The following ZNRF1 variants were observed in gnomAD, a reference collection of about 807,000 sequenced individuals.
ZNRF1 encodes zinc and ring finger 1.
ZNRF1 carries 3 observed loss-of-function variants against 18.4 expected under a neutral mutation model. The observed-to-expected ratio is 0.16, with a 90% CI of 0.07 to 0.42. The LOEUF is 0.42. Ranked by LOEUF, ZNRF1 falls within the 10% of genes least tolerant of loss-of-function variation. ZNRF1 has a pLI of 0.99. For synonymous variants in ZNRF1, 157 were observed against 144.2 expected, an observed-to-expected ratio of 1.09 and a Z score of -0.64; for missense variants, 310 against 329.8, an observed-to-expected ratio of 0.94 and a Z score of 0.47.
chr16:75,096,400 C>T (rs1222284988), intron 2 of ZNRF1, among the ~76,000 whole-genome samples: 1 of 152,096 alleles, frequency 6.6e-6, no homozygotes, highest in Non-Finnish European at 1.5e-5. Flanking sequence ...CCTGCTCCAG[C>T]TCAGAGAGAG....
intron 1 of ZNRF1, among the ~76,000 whole-genome samples, chr16:75,082,021 C>T (rs1384956884): frequency 2.0e-5 from 3 of 152,202 alleles, no homozygotes; most frequent in Admixed American, 6.5e-5. Flanking sequence ...ACACTTCACA[C>T]TCATGCTGAT....
intron 1 of ZNRF1, among the ~76,000 whole-genome samples, chr16:75,022,661 G>A (rs1215764700): frequency 6.6e-6 from 1 of 152,152 alleles, no homozygotes; most frequent in East Asian, 1.9e-4. Context: ...TTCCATTTCT[G>A]AGTTACTCTA....
At chr16:75,047,534 A>G (rs568154842) in intron 1 of ZNRF1, among the ~76,000 whole-genome samples, 66 of 152,370 alleles carry the variant, frequency 4.3e-4, no homozygotes, top group African/African-American at 1.4e-3. Context: ...TAGAGTCACA[A>G]TGAACACTTT....
At chr16:75,091,565 C>T (rs2036140555) in intron 1 of ZNRF1, among the ~76,000 whole-genome samples, 2 of 140,476 alleles carry the variant, frequency 1.4e-5, no homozygotes, top group Admixed American at 7.6e-5. Context: ...CAGGATCTTG[C>T]TCTGTCCCCC....
Position 74,999,535 on chromosome 16 carries a change from C to A in ZNRF1, c.-137C>A, listed in dbSNP as rs1165228222. The A allele has an allele frequency of 1.6e-6, 1 of 637,340 alleles. No homozygotes were observed. Among genetic ancestry groups the A allele is most frequent in the Non-Finnish European group, 2.3e-6 (1 of 440,626 alleles). 39.5% of individuals were successfully genotyped at this position (637,340 alleles called of 1,614,324 possible). On this transcript the variant is annotated 5_prime_UTR_variant, in exon 1 of 5. Transcript: ENST00000335325. ...CGGGTTTTTTCCTTTTTTCCTTTTG[C>A]TTTTTTTCCTTTTCTCCCTCCGGGT... is the stretch of plus-strand genomic sequence containing the variant.
At chr16:75,023,557 A>G (rs1189441576) in intron 1 of ZNRF1, among the ~76,000 whole-genome samples, 1 of 152,042 alleles carries the variant, frequency 6.6e-6, no homozygotes, top group Non-Finnish European at 1.5e-5. Flanking sequence ...GGTGGCAGGC[A>G]CCTGTAATCC....
At chr16:75,020,007 A>G (rs527270088) in intron 1 of ZNRF1, among the ~76,000 whole-genome samples, 1 of 152,248 alleles carries the variant, frequency 6.6e-6, no homozygotes, top group South Asian at 2.1e-4. Flanking sequence ...CACCGCGCCC[A>G]GCCAGGTGTT....
chr16:75,055,493 G>T (rs1366069622), intron 1 of ZNRF1, among the ~76,000 whole-genome samples: 1 of 152,314 alleles, frequency 6.6e-6, no homozygotes, highest in East Asian at 1.9e-4. Context: ...CAGCCCAGGA[G>T]TAGGTCGTGT....
chr16:75,009,650 C>T (rs2034968712), intron 1 of ZNRF1, among the ~76,000 whole-genome samples: 1 of 152,114 alleles, frequency 6.6e-6, no homozygotes. Flanking sequence ...TGAGAATATA[C>T]CCAGAAGTGG....
rs560162362 is a variant in ZNRF1, at chr16:75,063,326, C to T, written c.425-30246C>T. Among the ~76,000 whole-genome samples, 5 of 152,292 alleles carry T rather than the reference C, an allele frequency of 3.3e-5. No individual in the cohort carries two copies. The East Asian group carries it at 9.7e-4, about 29-fold the overall frequency. The stretch of plus-strand genomic sequence containing the variant: ...GGGAGGCCCGAGCAGACCCTCTAGC[C>T]TCCCTGTGGGGTGTGCACATTCCTG... On this transcript the variant is annotated intron_variant, in intron 1 of 4. Coordinates refer to ENST00000335325, the MANE Select transcript of ZNRF1 (RefSeq NM_032268.5).
intron 1 of ZNRF1, among the ~76,000 whole-genome samples, chr16:75,036,070 C>G (rs1414192560): frequency 6.6e-6 from 1 of 152,048 alleles, no homozygotes; most frequent in East Asian, 1.9e-4. Context: ...CCTGACATTC[C>G]TGGTTGGGGG....
chr16:75,073,219 T>C (rs546498217), intron 1 of ZNRF1, among the ~76,000 whole-genome samples: 15 of 151,960 alleles, frequency 9.9e-5, no homozygotes, highest in Non-Finnish European at 2.2e-4. Flanking sequence ...TCTATATACA[T>C]AGATTTATAT....
At chr16:75,086,138 C>T (rs548338743) in intron 1 of ZNRF1, among the ~76,000 whole-genome samples, 3 of 152,176 alleles carry the variant, frequency 2.0e-5, no homozygotes, top group Admixed American at 6.5e-5. Context: ...TTGGGGAGGG[C>T]GGTCCGCTTC....
intron 2 of ZNRF1, among the ~76,000 whole-genome samples, chr16:75,094,144 G>A (rs965675497): frequency 3.9e-5 from 6 of 152,156 alleles, no homozygotes; most frequent in African/African-American, 9.7e-5. Context: ...TGTCACGTTC[G>A]AACTCGGACG....
intron 1 of ZNRF1, among the ~76,000 whole-genome samples, chr16:75,056,411 A>G (rs531064891): frequency 2.6e-5 from 4 of 152,342 alleles, no homozygotes; most frequent in African/African-American, 9.6e-5. Context: ...GAATAGGTTT[A>G]AAAGTGAGGT....
intron 1 of ZNRF1, among the ~76,000 whole-genome samples, chr16:75,044,662 A>G (rs2145365813): frequency 6.6e-6 from 1 of 152,284 alleles, no homozygotes; most frequent in South Asian, 2.1e-4. Flanking sequence ...ACCCAGCCCA[A>G]GCTCTTGACT....
At chr16:75,099,929 G>T (rs2036236993) in intron 2 of ZNRF1, among the ~76,000 whole-genome samples, 2 of 152,318 alleles carry the variant, frequency 1.3e-5, no homozygotes, top group African/African-American at 4.8e-5. Context: ...AACTCCCACA[G>T]CCCCAGGGGT....
At chr16:75,093,706 C>T (rs767452326) in intron 2 of ZNRF1, 39 bp downstream of exon 2, 18 of 1,559,996 alleles carry the variant, frequency 1.2e-5, no homozygotes, top group South Asian at 8.9e-5. Context: ...CCAGAGCATC[C>T]GTCGGGGGAG....
chr16:75,070,962 G>A (rs1030314640), intron 1 of ZNRF1, among the ~76,000 whole-genome samples: 8 of 152,098 alleles, frequency 5.3e-5, no homozygotes, highest in African/African-American at 1.4e-4. Flanking sequence ...CCCCAAACTC[G>A]ATCACCTACA....
Sources: allele counts gnomAD v4.1 joint callset (sites outside exome capture counted in the v4.1 genomes callset), GRCh38; gene constraint gnomAD v4.1.1; transcripts MANE v1.5; gene names NCBI Gene and HGNC (gene_info 2026-07-23, HGNC 2026-07-21).